Variants in ERC2 observed in about 807,000 individuals in gnomAD.
The protein encoded by ERC2 is ELKS/RAB6-interacting/CAST family member 2, also known as ERC protein 2.
In ERC2, 42 loss-of-function variants were observed where a neutral mutation model predicts 114.8. The observed-to-expected ratio is 0.37, with a 90% CI of 0.29 to 0.47. The LOEUF (loss-of-function observed/expected upper bound fraction) is 0.47. ERC2 is among the 20% of genes least tolerant of loss of function. ERC2 has a pLI of 0.99. For synonymous variants in ERC2, 454 were observed against 425.5 expected (o/e 1.07, Z -0.82); for missense variants, 939 against 1,150.7 (o/e 0.82, Z 2.66).
At chr3:55,828,510 A>C (rs1301171531) in intron 14 of ERC2, among the ~76,000 whole-genome samples, 1 of 90,124 alleles carries the variant, frequency 1.1e-5, no homozygotes, top group African/African-American at 7.7e-5. Context: ...AGGCAGTTAA[A>C]CCCCCAAGAA....
At chr3:56,389,985 C>T (rs759400124) in intron 2 of ERC2, among the ~76,000 whole-genome samples, 1 of 152,096 alleles carries the variant, frequency 6.6e-6, no homozygotes, top group Admixed American at 6.6e-5. Flanking sequence ...TTAAATAGGG[C>T]TGAAATTTTA....
intron 3 of ERC2, among the ~76,000 whole-genome samples, chr3:56,204,309 C>T (rs1004570502): frequency 1.3e-5 from 2 of 152,136 alleles, no homozygotes; most frequent in South Asian, 2.1e-4. Flanking sequence ...CAACATGGTG[C>T]GTGGTACACA....
At chr3:56,410,265 T>C (rs935001540) in intron 2 of ERC2, among the ~76,000 whole-genome samples, 1 of 152,246 alleles carries the variant, frequency 6.6e-6, no homozygotes, top group Non-Finnish European at 1.5e-5. Flanking sequence ...ATAAATTTAG[T>C]AAGTGAACTT....
chr3:56,186,521 G>A (rs746436035), intron 3 of ERC2, among the ~76,000 whole-genome samples: 6 of 151,870 alleles, frequency 4.0e-5, no homozygotes, highest in Non-Finnish European at 7.4e-5. Flanking sequence ...TGTTGGTTTT[G>A]TTTGTTTGTT....
intron 14 of ERC2, among the ~76,000 whole-genome samples, chr3:55,850,062 G>A (rs949044656): frequency 6.6e-6 from 1 of 152,122 alleles, no homozygotes. Flanking sequence ...TCTGGTGATG[G>A]CCAGCAATCC....
rs962146977 is a variant in ERC2 at position 55,933,683 on chromosome 3, G to A, written c.2403+16742C>T. On this transcript the variant is annotated intron_variant, in intron 13 of 17. Transcript: ENST00000288221. ...GGCTCAAACCAACTGCAGGCAAACC[G>A]CGTGGCCACAGGAGCCGTGCCATTT... Among the ~76,000 whole-genome samples, 8 of 152,288 alleles carry A rather than the reference G, an allele frequency of 5.3e-5. No homozygotes were observed. The South Asian group carries it at 1.2e-3, about 24-fold the overall frequency.
At chr3:55,588,869 C>T (rs1204675166) in intron 17 of ERC2, among the ~76,000 whole-genome samples, 1 of 152,062 alleles carries the variant, frequency 6.6e-6, no homozygotes, top group African/African-American at 2.4e-5. Context: ...CTACACCAGC[C>T]TGCCTCGAGT....
chr3:56,281,460 A>AT (rs1395973680), intron 3 of ERC2, among the ~76,000 whole-genome samples: 6 of 149,010 alleles, frequency 4.0e-5, no homozygotes, highest in African/African-American at 1.5e-4. Flanking sequence ...AAAAAAAAAA[A>AT]GTATAGAGGA....
intron 14 of ERC2, among the ~76,000 whole-genome samples, chr3:55,810,585 C>T (rs910965749): frequency 2.6e-5 from 4 of 152,092 alleles, no homozygotes; most frequent in African/African-American, 9.7e-5. Flanking sequence ...GCTTCAGCCT[C>T]CCAAGTAGCT....
intron 17 of ERC2, among the ~76,000 whole-genome samples, chr3:55,649,310 G>C (rs1221522181): frequency 6.7e-6 from 1 of 148,860 alleles, no homozygotes; most frequent in Admixed American, 6.7e-5. Context: ...TCCCAGGCTG[G>C]AGTGCAGTGG....
intron 3 of ERC2, among the ~76,000 whole-genome samples, chr3:56,198,384 T>C (rs1298389384): frequency 6.6e-6 from 1 of 152,186 alleles, no homozygotes. Flanking sequence ...CATGATCAAA[T>C]GTGCATTTCA....
chr3:56,355,039 T>C (rs57632823), intron 2 of ERC2, among the ~76,000 whole-genome samples: 3,061 of 152,274 alleles, frequency 0.02, 112 homozygotes, highest in African/African-American at 0.067. Flanking sequence ...GCCTATTTCC[T>C]AATGCAACCA....
chr3:56,079,429 C>A (rs2077124993), intron 7 of ERC2, among the ~76,000 whole-genome samples: 2 of 152,150 alleles, frequency 1.3e-5, no homozygotes, highest in Admixed American at 6.5e-5. Flanking sequence ...ACCAAGACAG[C>A]ATGCCTCATG....
intron 4 of ERC2, among the ~76,000 whole-genome samples, chr3:56,151,333 T>C (rs898605698): frequency 6.6e-6 from 1 of 152,044 alleles, no homozygotes; most frequent in African/African-American, 2.4e-5. Flanking sequence ...TCCCAAAGTG[T>C]TGGGATTAAA....
chr3:56,305,865 T>TTTG (rs1553915659), intron 2 of ERC2, among the ~76,000 whole-genome samples: 2,412 of 151,804 alleles, frequency 0.016, 16 homozygotes, highest in South Asian at 0.023. Flanking sequence ...TTGTTTGTTT[T>TTTG]TTTGAGACAA....
intron 13 of ERC2, among the ~76,000 whole-genome samples, chr3:55,906,049 A>G (rs72879158): frequency 0.013 from 1,923 of 152,198 alleles, 47 homozygotes; most frequent in African/African-American, 0.044. Context: ...CTCCATGTCT[A>G]ACTTACTCCT....
chr3:55,746,707 C>T (rs191084875), intron 14 of ERC2, among the ~76,000 whole-genome samples: 1 of 152,182 alleles, frequency 6.6e-6, no homozygotes, highest in African/African-American at 2.4e-5. Flanking sequence ...TGGTGGTAGC[C>T]AGGCAAAGGG....
rs2057375577 is a variant in ERC2 at position 55,583,399 on chromosome 3, T to TTCC, written c.*40-72124_*40-72123insGGA. Among the ~76,000 whole-genome samples, 92 of 87,066 alleles carry TTCC rather than the reference T, an allele frequency of 1.1e-3. 1 individual carries two copies. The highest frequency in any genetic ancestry group is 3.2e-3 in the African/African-American group (73 of 22,608). 57.1% of individuals were successfully genotyped at this position (87,066 alleles called of 152,430 possible). ...CTTTCCTTCTTTCTTTCCTTCCTTC[T>TTCC]TTCCTTCCTTCCTTCCTTCCTTCCT... On this transcript the variant is annotated intron_variant, in intron 17 of 17. Transcript: ENST00000288221.
intron 6 of ERC2, among the ~76,000 whole-genome samples, chr3:56,091,929 C>T (rs1050447520): frequency 6.6e-6 from 1 of 151,666 alleles, no homozygotes; most frequent in African/African-American, 2.4e-5. Flanking sequence ...GTGCTGACTT[C>T]ATTTAGCAGT....
Sources: gnomAD v4.1 joint callset for allele counts (sites outside exome capture counted in the v4.1 genomes callset) on GRCh38, gnomAD v4.1.1 for gene constraint, MANE v1.5 for transcripts, NCBI Gene and HGNC (gene_info 2026-07-23, HGNC 2026-07-21) for gene names.